METTL26: variants seen among roughly 807,000 people sequenced by gnomAD.
METTL26 encodes methyltransferase-like 26.
In METTL26, 28 loss-of-function variants were observed where a neutral mutation model predicts 24.7. The ratio of observed to expected loss-of-function variants is 1.13; its 90% CI spans 0.84 to 1.55. The LOEUF (loss-of-function observed/expected upper bound fraction) is 1.55. Among genes scored for constraint, METTL26 ranks in the 40% most tolerant of loss-of-function variants. The pLI, the probability that METTL26 is intolerant of heterozygous loss-of-function variation, is 0.00. For missense variants in METTL26, 344 were observed against 281.2 expected (o/e 1.22, Z -1.60); for synonymous variants, 165 against 125.2 (o/e 1.32, Z -2.12).
chr16:635,505 T>C (rs1023377592), intron 2 of METTL26, 107 bp downstream of exon 2: 12 of 1,358,306 alleles, frequency 8.8e-6, no homozygotes, highest in Middle Eastern at 1.8e-4. Context: ...TGGGGGAGGC[T>C]GGAGACCCTC....
intron 2 of METTL26, 30 bp from the exon 3 acceptor site, chr16:635,370 G>A: frequency 6.3e-7 from 1 of 1,578,030 alleles, no homozygotes; most frequent in South Asian, 1.1e-5. Context: ...CGGCAGTGAG[G>A]TGCTGCCCCC....
Position 634,505 on chromosome 16 carries a change from C to T in METTL26, c.*92G>A. The T allele has an allele frequency of 6.2e-7, 1 of 1,608,088 alleles. No individual in the cohort carries two copies. Among genetic ancestry groups the T allele is most frequent in the Non-Finnish European group, 8.5e-7 (1 of 1,175,732 alleles). On this transcript the variant is annotated 3_prime_UTR_variant, in exon 6 of 6. Coordinates refer to ENST00000301686, the MANE Select transcript of METTL26 (RefSeq NM_032366.5). ...GGCTGAGAGCACAGACTGGGTGGGG[C>T]TGTCGTCCACAAGGTCCGGCCTAGG...
rs2037029116 is a variant in METTL26 at position 634,609 on chromosome 16, G to A, written c.603C>T (p.Phe201=). 2.5e-6 allele frequency: 4 copies of A among 1,613,276 alleles called. No individual in the cohort carries two copies. The Admixed American group carries it at 6.7e-5, about 27-fold the overall frequency. ...DMPANNKCLI[F]RKN ...GTGAAGGAGGGGCTTAGTTTTTCCG[G>A]AAGATCAGGCATTTGTTGTTGGCTG... Residue 201 remains phenylalanine (F), a synonymous_variant, in exon 6 of 6, where the codon TTC becomes TTT. Transcript: ENST00000301686.
chr16:635,859 G>C, intron 1 of METTL26, 85 bp from the exon 2 acceptor site: 2 of 1,449,290 alleles, frequency 1.4e-6, no homozygotes, highest in Non-Finnish European at 1.8e-6. Context: ...AGGGGAGGCT[G>C]GGGGGCACGT....
At position 635,865 on chromosome 16, in the gene METTL26, C is replaced by T. The variant is rs907574888; in HGVS notation, c.198-91G>A. On this transcript the variant is annotated intron_variant, in intron 1 of 5. Transcript: ENST00000301686. Reference sequence around the variant, plus strand: ...GAATTTCTTAGGGGAGGCTGGGGGGCACGTTGAGGAGCGGAGACCAAAGCG... The same window carrying T: ...GAATTTCTTAGGGGAGGCTGGGGGGTACGTTGAGGAGCGGAGACCAAAGCG... 17 of 1,443,238 alleles carry T rather than the reference C, an allele frequency of 1.2e-5. No homozygotes were observed. The African/African-American group carries it at 2.4e-4, about 20-fold the overall frequency. The allele number at this position is 1,443,238 out of a possible 1,614,324, so 89.4% of individuals were successfully genotyped here.
At chr16:635,073 A>G in intron 3 of METTL26, 117 bp from the exon 4 acceptor site, 9 of 1,522,718 alleles carry the variant, frequency 5.9e-6, no homozygotes, top group Non-Finnish European at 7.0e-6. Context: ...CCTGTCCCCA[A>G]GAGGGAGTCA....
At chr16:635,058 C>T (rs1394355755) in intron 3 of METTL26, 102 bp from the exon 4 acceptor site, 5 of 1,526,298 alleles carry the variant, frequency 3.3e-6, no homozygotes, top group Non-Finnish European at 2.6e-6. Flanking sequence ...AAAGGGCACC[C>T]CCTCCCTGTC....
At position 636,192 on chromosome 16, in the gene METTL26, C is replaced by G; in HGVS notation, c.99G>C (p.Glu33Asp). The G allele has an allele frequency of 6.7e-7, 1 of 1,489,618 alleles. No homozygotes were observed. Among genetic ancestry groups the G allele is most frequent in the South Asian group, 1.3e-5 (1 of 78,422 alleles). 92.3% of individuals were successfully genotyped at this position (1,489,618 alleles called of 1,614,324 possible). ...CGTGCTGGCCGGAGCCCGAGGCCAC[C>G]TCGAGGACGCGGACGCCACGCTGGG... ...DPAQRGVRVLEVASGSGQHAA... is the reference protein window; with the variant it reads ...DPAQRGVRVLDVASGSGQHAA... The change falls in exon 1 of 6, where the codon GAG (glutamate) becomes GAC (aspartate). Residue 33 changes from glutamate to aspartate, a missense_variant. Physicochemically the swap from Glu to Asp is conservative, Grantham distance 45 (BLOSUM62 2). Coordinates refer to ENST00000301686, the MANE Select transcript of METTL26 (RefSeq NM_032366.5).
chr16:634,915 C>G lies in METTL26; in HGVS notation c.462G>C (p.Val154=). 1.2e-6 allele frequency: 2 copies of G among 1,605,916 alleles called. No individual in the cohort carries two copies. The highest frequency in any genetic ancestry group is 1.7e-6 in the Non-Finnish European group (2 of 1,176,694). ...TGCATCTGAGCATCAGGTCAAAGTC[C>G]ACGTTGCTCTGGGGGGAGATCTTCC... ...INGKISPQSN[V]DFDLMLRCRN... Residue 154 remains valine (V), a synonymous_variant, in exon 4 of 6, where the codon GTG becomes GTC. Coordinates refer to ENST00000301686, the MANE Select transcript of METTL26 (RefSeq NM_032366.5).
chr16:635,332 G>A lies in METTL26; in HGVS notation c.369C>T (p.Phe123=), dbSNP rs200240022. ...GTTTGAGCAGGTGTCCTGCTGCTCT[G>A]AAGAGCCCCTGGTGAGTAGGAACAG... ...VSPLRCTEGL[F]RAAGHLLKPR... is the part of the protein sequence containing the mutation. The change falls in exon 3 of 6, where the codon TTC becomes TTT. Residue 123 remains phenylalanine, a synonymous_variant. Coordinates refer to ENST00000301686, the MANE Select transcript of METTL26 (RefSeq NM_032366.5). 165 of 1,599,452 alleles carry A rather than the reference G, an allele frequency of 1.0e-4. No homozygotes were observed. The highest frequency in any genetic ancestry group is 1.4e-4 in the Non-Finnish European group (161 of 1,173,178).
At chr16:636,023 G>T in intron 1 of METTL26, 71 bp downstream of exon 1, 1 of 1,442,086 alleles carries the variant, frequency 6.9e-7, no homozygotes, top group South Asian at 1.4e-5. Flanking sequence ...TTTCCTCCGG[G>T]GCTGCGGGCC....
intron 1 of METTL26, 125 bp from the exon 2 acceptor site, chr16:635,899 G>C (rs1395287199): frequency 7.3e-7 from 1 of 1,377,096 alleles, no homozygotes; most frequent in Admixed American, 2.7e-5. Context: ...CGGCTGGGAA[G>C]GGGGACCCCG....
At position 634,767 on chromosome 16, in the gene METTL26, G is replaced by T. The variant is rs1410135174; in HGVS notation, c.519C>A (p.Ala173=). ...RNPEWGLRDT[A]LLEDLGKASG... is the part of the protein sequence containing the mutation. Reference sequence around the variant, plus strand: ...TGGCCTTTCCCAGGTCCTCCAGGAGGGCTGTGTCCCGAAGCCCCCATTCTG... The same window carrying T: ...TGGCCTTTCCCAGGTCCTCCAGGAGTGCTGTGTCCCGAAGCCCCCATTCTG... The change falls in exon 5 of 6, where the codon GCC becomes GCA. Residue 173 remains alanine, a synonymous_variant. Coordinates refer to ENST00000301686, the MANE Select transcript of METTL26 (RefSeq NM_032366.5). 1 of 1,612,328 alleles carries T rather than the reference G, an allele frequency of 6.2e-7. No homozygotes were observed.
Position 635,703 on chromosome 16 carries a change from C to T in METTL26, c.269G>A (p.Gly90Asp). 6.4e-7 allele frequency: 1 copy of T among 1,565,714 alleles called. No homozygotes were observed. Among genetic ancestry groups the T allele is most frequent in the Non-Finnish European group, 8.6e-7 (1 of 1,156,350 alleles). ...CAGGATCCCGCCCCAGTGCTCCCAGCCCCACGTCACGTCCAGGTGTAGCGG... is the reference window on the plus strand; with the variant it reads ...CAGGATCCCGCCCCAGTGCTCCCAGTCCCACGTCACGTCCAGGTGTAGCGG... ...KAPLHLDVTW[G>D]WEHWGGILPQ... is the part of the protein sequence containing the mutation. Residue 90 changes from glycine (G) to aspartate (D), a missense_variant, in exon 2 of 6, where the codon GGC (glycine) becomes GAC (aspartate). By Grantham distance (94) the Gly-to-Asp change is moderately conservative. Coordinates refer to ENST00000301686, the MANE Select transcript of METTL26 (RefSeq NM_032366.5).
chr16:634,755 G>A lies in METTL26; in HGVS notation c.531C>T (p.Asp177=). ...WGLRDTALLE[D]LGKASGLLLE... ...GGAGCAGGCCACTGGCCTTTCCCAG[G>A]TCCTCCAGGAGGGCTGTGTCCCGAA... is the stretch of plus-strand genomic sequence containing the variant. Residue 177 remains aspartate (D), a synonymous_variant, in exon 5 of 6, where the codon GAC becomes GAT. Transcript: ENST00000301686. 6.2e-7 allele frequency: 1 copy of A among 1,612,674 alleles called. No individual in the cohort carries two copies. The highest frequency in any genetic ancestry group is 8.5e-7 in the Non-Finnish European group (1 of 1,179,864).
Position 634,873 on chromosome 16 carries a change from C to A in METTL26, c.488+16G>T. On this transcript the variant is annotated intron_variant, in intron 4 of 5. Coordinates refer to ENST00000301686, the MANE Select transcript of METTL26 (RefSeq NM_032366.5). ...CACCTGCCACCTGAGCCAGACCCCCCGCCTCTAGCTCTGACCTGCATCTGA... is the reference window on the plus strand; with the variant it reads ...CACCTGCCACCTGAGCCAGACCCCCAGCCTCTAGCTCTGACCTGCATCTGA... 1 of 1,578,572 alleles carries A rather than the reference C, an allele frequency of 6.3e-7. No homozygotes were observed. The highest frequency in any genetic ancestry group is 1.7e-4 in the Middle Eastern group (1 of 5,964).
In METTL26 at chr16:635,692, A is replaced by C. The variant is rs1430919903; in HGVS notation, c.280T>G (p.Trp94Gly). The change falls in exon 2 of 6, where the codon TGG (tryptophan) becomes GGG (glycine). Residue 94 changes from tryptophan (W) to glycine (G), a missense_variant. Coordinates refer to ENST00000301686, the MANE Select transcript of METTL26 (RefSeq NM_032366.5). ...AGCGACTGTGGCAGGATCCCGCCCC[A>C]GTGCTCCCAGCCCCACGTCACGTCC... ...HLDVTWGWEH[W>G]GGILPQSLDL... is the part of the protein sequence containing the mutation. 1 of 1,560,552 alleles carries C rather than the reference A, an allele frequency of 6.4e-7. No individual in the cohort carries two copies. Among genetic ancestry groups the C allele is most frequent in the Admixed American group, 1.9e-5 (1 of 51,766 alleles).
Position 634,542 on chromosome 16 carries a change from C to A in METTL26, c.*55G>T. 6.2e-7 allele frequency: 1 copy of A among 1,612,886 alleles called. No individual in the cohort carries two copies. Among genetic ancestry groups the A allele is most frequent in the Non-Finnish European group, 8.5e-7 (1 of 1,179,886 alleles). On this transcript the variant is annotated 3_prime_UTR_variant, in exon 6 of 6. Transcript: ENST00000301686. ...AGGTCCGGCCTAGGGAGGCAGGGTT[C>A]GTGCCTCACAGAGCCTCCGGCAGGG...
chr16:634,615 C>A lies in METTL26; in HGVS notation c.597G>T (p.Leu199=), dbSNP rs757723842. 4.3e-6 allele frequency: 7 copies of A among 1,613,280 alleles called. No individual in the cohort carries two copies. The African/African-American group carries it at 6.7e-5, about 15-fold the overall frequency. Residue 199 remains leucine, a synonymous_variant, in exon 6 of 6, where the codon CTG becomes CTT. Coordinates refer to ENST00000301686, the MANE Select transcript of METTL26 (RefSeq NM_032366.5). The stretch of plus-strand genomic sequence containing the variant: ...GAGGGGCTTAGTTTTTCCGGAAGAT[C>A]AGGCATTTGTTGTTGGCTGGCATGT... ...MVDMPANNKC[L]IFRKN
Sources: allele counts gnomAD v4.1 joint callset, GRCh38; gene constraint gnomAD v4.1.1; transcripts MANE v1.5; gene names NCBI Gene and HGNC (gene_info 2026-07-23, HGNC 2026-07-21).